The following LRP5 variants were observed in gnomAD, a reference collection of about 807,000 sequenced individuals.
LRP5 encodes low-density lipoprotein receptor-related protein 5.
In LRP5, 62 loss-of-function variants were observed where a neutral mutation model predicts 154.1. That is an observed-to-expected ratio of 0.40 (90% CI 0.33 to 0.50). LRP5 has a LOEUF of 0.50. LRP5 is among the 20% of genes least tolerant of loss of function. The pLI, the probability that LRP5 is intolerant of heterozygous loss-of-function variation, is 0.55. For synonymous variants in LRP5, 966 were observed against 1,011.5 expected (o/e 0.96, Z 0.85); for missense variants, 1,915 against 2,336.7 (o/e 0.82, Z 3.72).
rs367862196 is a variant in LRP5 at position 68,425,986 on chromosome 11, C to T, written c.3436C>T (p.Arg1146Cys). The T allele has an allele frequency of 2.0e-5, 33 of 1,611,140 alleles. No individual in the cohort carries two copies. Among genetic ancestry groups the T allele is most frequent in the South Asian group, 4.4e-5 (4 of 91,084 alleles). Residue 1146 changes from arginine (R) to cysteine (C), a missense_variant, in exon 16 of 23, where the codon CGC (arginine) becomes TGC (cysteine). By Grantham distance (180) the Arg-to-Cys change is radical. Transcript: ENST00000294304. ...IESCDLSGANRLTLEDANIVQ... is the reference protein window; with the variant it reads ...IESCDLSGANCLTLEDANIVQ... ...CCACGGGCTGCTTGCAGGGGCCAAC[C>T]GCCTGACCCTGGAGGACGCCAACAT...
chr11:68,314,935 C>T (rs312016), intron 1 of LRP5, among the ~76,000 whole-genome samples: 44,583 of 152,164 alleles, frequency 0.29, 7,528 homozygotes, highest in South Asian at 0.59. Flanking sequence ...GGAGATTCAC[C>T]TCGTGCTTCC....
chr11:68,445,032 A>G (rs945526855), intron 21 of LRP5, among the ~76,000 whole-genome samples: 1 of 152,176 alleles, frequency 6.6e-6, no homozygotes. Flanking sequence ...CTCACCAGCC[A>G]TCAGGATAGC....
intron 7 of LRP5, among the ~76,000 whole-genome samples, chr11:68,394,287 C>T (rs2098647976): frequency 6.6e-6 from 1 of 152,120 alleles, no homozygotes; most frequent in African/African-American, 2.4e-5. Context: ...ATTCTCCATA[C>T]TGTCCTTGGG....
chr11:68,360,564 A>G (rs971109445), intron 3 of LRP5, among the ~76,000 whole-genome samples: 1 of 152,196 alleles, frequency 6.6e-6, no homozygotes, highest in Non-Finnish European at 1.5e-5. Flanking sequence ...GGAGCCACAC[A>G]GACCTGTGCA....
chr11:68,396,732 G>GC (rs397816332), intron 7 of LRP5, among the ~76,000 whole-genome samples: 1 of 151,900 alleles, frequency 6.6e-6, no homozygotes, highest in South Asian at 2.1e-4. Flanking sequence ...CACACACAGG[G>GC]TTTTAGCCCC....
chr11:68,324,787 T>C (rs1326414689), intron 1 of LRP5, among the ~76,000 whole-genome samples: 4 of 152,160 alleles, frequency 2.6e-5, no homozygotes, highest in African/African-American at 9.7e-5. Context: ...GTCGAAGGCC[T>C]TCTTGGACTC....
At chr11:68,344,995 T>TG (rs1447374586) in intron 1 of LRP5, among the ~76,000 whole-genome samples, 1 of 151,352 alleles carries the variant, frequency 6.6e-6, no homozygotes, top group African/African-American at 2.4e-5. Context: ...CCTTAGCAGC[T>TG]GGAACTACAG....
intron 1 of LRP5, among the ~76,000 whole-genome samples, chr11:68,317,116 C>T (rs1319043470): frequency 6.6e-6 from 1 of 152,156 alleles, no homozygotes; most frequent in Non-Finnish European, 1.5e-5. Flanking sequence ...GTGTGATGGG[C>T]GGAGGCAGCT....
intron 1 of LRP5, among the ~76,000 whole-genome samples, chr11:68,340,586 G>A (rs968377349): frequency 6.6e-6 from 1 of 152,182 alleles, no homozygotes; most frequent in African/African-American, 2.4e-5. Flanking sequence ...AGGTCAGAGG[G>A]GTTGAGTGAT....
chr11:68,440,496 G>A lies in LRP5; in HGVS notation c.4488+580G>A, dbSNP rs1362901728. 2.0e-5 allele frequency among the ~76,000 whole-genome samples: 3 copies of A among 152,268 alleles called. No homozygotes were observed. In the East Asian group the frequency reaches 5.8e-4, roughly 29 times the overall value. ...GCTGCCCTCCAGGATCACTGGGGCT[G>A]GCTGGGGAGAACCCCCGTTTCTGGG... On this transcript the variant is annotated intron_variant, in intron 21 of 22. Transcript: ENST00000294304.
In LRP5 at chr11:68,423,495, G is replaced by A; in HGVS notation, c.3034G>A (p.Val1012Ile). 6.2e-7 allele frequency: 1 copy of A among 1,614,122 alleles called. No individual in the cohort carries two copies. Among genetic ancestry groups the A allele is most frequent in the Non-Finnish European group, 8.5e-7 (1 of 1,179,992 alleles). The change falls in exon 14 of 23, where the codon GTT (valine) becomes ATT (isoleucine). Residue 1012 changes from valine to isoleucine, a missense_variant. This residue lies in a region of LRP5 where 1,094 missense variants were observed against 1,210.1 expected (regional missense o/e 0.90). Coordinates refer to ENST00000294304, the MANE Select transcript of LRP5 (RefSeq NM_002335.4). This position sits in a 1 kb window ranked among gnomAD's most constrained non-coding sequence, Gnocchi z 4.7. Reference protein sequence around the residue: ...RAKDDGTQPFVLTSLSQGQNP... With the variant: ...RAKDDGTQPFILTSLSQGQNP... ...TGGTTTCTTTGTCTTACAGCCCTTT[G>A]TTTTGACCTCTCTGAGCCAAGGCCA...
intron 1 of LRP5, among the ~76,000 whole-genome samples, chr11:68,313,486 G>A (rs1357836648): frequency 6.6e-6 from 1 of 152,176 alleles, no homozygotes; most frequent in Non-Finnish European, 1.5e-5. Flanking sequence ...AGGCAGGCTT[G>A]TGCCTCAGTT....
At position 68,365,725 on chromosome 11, in the gene LRP5, G is replaced by T. The variant is rs775233751; in HGVS notation, c.1015+23G>T. ...CAGGTGAGGCGGTGGGACGGGACGG[G>T]GCGGGCGGGCGGGGCGGGGCCTGGC... On this transcript the variant is annotated intron_variant, in intron 5 of 22. Transcript: ENST00000294304. 4.2e-6 allele frequency: 6 copies of T among 1,431,008 alleles called. No homozygotes were observed. The South Asian group carries it at 8.8e-5, about 21-fold the overall frequency. The allele number at this position is 1,431,008 out of a possible 1,614,324, so 88.6% of individuals were successfully genotyped here. A position where few individuals can be genotyped will look rare whatever the true frequency, so the allele number is the denominator to read the frequency against.
At chr11:68,392,176 A>G (rs1307689166) in intron 7 of LRP5, among the ~76,000 whole-genome samples, 3 of 152,174 alleles carry the variant, frequency 2.0e-5, no homozygotes, top group South Asian at 4.1e-4. Flanking sequence ...TAAAATAAAC[A>G]TAGCACAAAA....
chr11:68,429,692 C>T lies in LRP5; in HGVS notation c.3755C>T (p.Thr1252Ile). The T allele has an allele frequency of 6.2e-7, 1 of 1,614,150 alleles. No homozygotes were observed. The highest frequency in any genetic ancestry group is 8.5e-7 in the Non-Finnish European group (1 of 1,180,032). The change falls in exon 17 of 23, where the codon ACC becomes ATC. Residue 1252 changes from threonine to isoleucine, a missense_variant. By Grantham distance (89) the Thr-to-Ile change is moderately conservative. Transcript: ENST00000294304. ...VHLVLLQNLL[T>I]CGEPPTCSPD... ...CTCGTGCTCCTGCAGAACCTGCTGA[C>T]CTGTGGAGGTAGGTGTGACCTAGGT...
intron 5 of LRP5, among the ~76,000 whole-genome samples, chr11:68,370,529 G>A (rs2098633454): frequency 6.6e-6 from 1 of 152,170 alleles, no homozygotes; most frequent in East Asian, 1.9e-4. Context: ...TGTGGGGTTG[G>A]ACCGCTGGAC....
At chr11:68,326,207 C>T (rs1221170323) in intron 1 of LRP5, among the ~76,000 whole-genome samples, 4 of 152,272 alleles carry the variant, frequency 2.6e-5, no homozygotes, top group East Asian at 1.9e-4. Context: ...CCTTCGGGTG[C>T]GCCTCCCCTG....
At chr11:68,365,934 A>G (rs558116150) in intron 5 of LRP5, among the ~76,000 whole-genome samples, 2 of 152,080 alleles carry the variant, frequency 1.3e-5, no homozygotes, top group Non-Finnish European at 2.9e-5. Context: ...TTTGCCCCAG[A>G]TATTTTCCAC....
intron 7 of LRP5, among the ~76,000 whole-genome samples, chr11:68,392,220 C>T (rs1387499909): frequency 6.6e-6 from 1 of 152,146 alleles, no homozygotes; most frequent in Non-Finnish European, 1.5e-5. Flanking sequence ...GTGAACAGTT[C>T]AGGCTGGGCG....
Sources: allele counts gnomAD v4.1 joint callset (sites outside exome capture counted in the v4.1 genomes callset), GRCh38; gene constraint gnomAD v4.1.1; regional missense constraint gnomAD v4.1.1; non-coding constraint Gnocchi (gnomAD v3.1); transcripts MANE v1.5; gene names NCBI Gene and HGNC (gene_info 2026-07-23, HGNC 2026-07-21).